CELF4: variants seen among roughly 807,000 people sequenced by gnomAD.
CELF4 encodes CUGBP Elav-like family member 4, also known as CUG-BP- and ETR-3-like factor 4.
Under a neutral mutation model 59.9 loss-of-function variants are expected in CELF4, and 18 were observed. The observed-to-expected ratio is 0.30, with a 90% CI of 0.21 to 0.45. The LOEUF (loss-of-function observed/expected upper bound fraction) is 0.45. Among genes scored for constraint, CELF4 ranks in the 20% least tolerant of loss-of-function variants. The probability of loss-of-function intolerance (pLI) is 1.00; values close to 1 mark genes in which losing one functional copy is unlikely to be tolerated. For synonymous variants in CELF4, 261 were observed against 267.1 expected (o/e 0.98, Z 0.22); for missense variants, 456 against 689.0 (o/e 0.66, Z 3.79).
intron 1 of CELF4, among the ~76,000 whole-genome samples, chr18:37,529,747 G>A (rs1182838425): frequency 2.0e-5 from 3 of 152,120 alleles, no homozygotes; most frequent in African/African-American, 7.2e-5. Context: ...ATTCCCAGGG[G>A]GTATCAGCAA....
intron 1 of CELF4, among the ~76,000 whole-genome samples, chr18:37,525,439 G>C (rs36018831): frequency 0.31 from 47,910 of 152,110 alleles, 9,045 homozygotes; most frequent in East Asian, 0.46. Flanking sequence ...GGGTTGTGGG[G>C]AGGGGAGTGG....
intron 3 of CELF4, among the ~76,000 whole-genome samples, chr18:37,318,367 G>A (rs2096943697): frequency 6.6e-6 from 1 of 151,324 alleles, no homozygotes; most frequent in South Asian, 2.1e-4. Flanking sequence ...CTGCCGTCAT[G>A]CCACCTCCTC....
chr18:37,305,666 G>A (rs1291879516), intron 3 of CELF4: 1 of 152,272 alleles, frequency 6.6e-6, no homozygotes, highest in African/African-American at 2.4e-5. Context: ...CCACCCACCA[G>A]CTGGTAACCC....
intron 3 of CELF4, among the ~76,000 whole-genome samples, chr18:37,292,566 T>C (rs1283402542): frequency 6.6e-6 from 1 of 152,170 alleles, no homozygotes. Flanking sequence ...GCAGGCCAGG[T>C]ACTTAGCACA....
At chr18:37,273,603 A>G in intron 6 of CELF4, 1 of 990,698 alleles carries the variant, frequency 1.0e-6, no homozygotes, top group Non-Finnish European at 1.2e-6. Flanking sequence ...AGAATTATGA[A>G]TAGAACCCCA....
At chr18:37,482,926 G>A (rs116030774) in intron 2 of CELF4, among the ~76,000 whole-genome samples, 1 of 152,284 alleles carries the variant, frequency 6.6e-6, no homozygotes, top group African/African-American at 2.4e-5. Context: ...CTGGAAAAGT[G>A]CCTAAATTGC....
chr18:37,401,661 C>T (rs1232765349), intron 2 of CELF4, among the ~76,000 whole-genome samples: 1 of 152,220 alleles, frequency 6.6e-6, no homozygotes, highest in East Asian at 1.9e-4. Flanking sequence ...AATGTTCTAC[C>T]ACTCCATGAC....
chr18:37,444,955 C>G (rs1046774070), intron 2 of CELF4, among the ~76,000 whole-genome samples: 12 of 152,138 alleles, frequency 7.9e-5, no homozygotes, highest in African/African-American at 2.9e-4. Flanking sequence ...CCTGGGCTTG[C>G]GGCCTGCAGA....
intron 2 of CELF4, among the ~76,000 whole-genome samples, chr18:37,322,135 A>G (rs1321734833): frequency 2.0e-5 from 3 of 152,092 alleles, no homozygotes; most frequent in Non-Finnish European, 4.4e-5. Context: ...TCCTCCTCCT[A>G]CTCCGAGCAG....
chr18:37,523,439 T>A (rs2099959917), intron 1 of CELF4, among the ~76,000 whole-genome samples: 1 of 152,114 alleles, frequency 6.6e-6, no homozygotes. Flanking sequence ...CATGTGTCCC[T>A]AACCCTGGGA....
At chr18:37,404,090 C>T (rs951876575) in intron 2 of CELF4, among the ~76,000 whole-genome samples, 1 of 152,202 alleles carries the variant, frequency 6.6e-6, no homozygotes, top group Non-Finnish European at 1.5e-5. Flanking sequence ...CCGGCCAGGC[C>T]TTCACATGCC....
intron 1 of CELF4, among the ~76,000 whole-genome samples, chr18:37,510,862 G>C (rs1397123807): frequency 2.0e-5 from 3 of 152,190 alleles, no homozygotes; most frequent in Non-Finnish European, 2.9e-5. Context: ...TGCTGACCCA[G>C]GGGCTGTGCC....
rs1163388961 is a variant in CELF4, at chr18:37,466,113, G to A, written c.369+19412C>T. On this transcript the variant is annotated intron_variant, in intron 2 of 12. Coordinates refer to ENST00000420428, the MANE Select transcript of CELF4 (RefSeq NM_020180.4). ...CTCCACAAGGGGCCAGCTAAGTCGC[G>A]CCTGCTCTTTCTGTCTGCTCTTGAT... Among the ~76,000 whole-genome samples, 6 of 152,304 alleles carry A rather than the reference G, an allele frequency of 3.9e-5. No individual in the cohort carries two copies. In the East Asian group the frequency reaches 5.8e-4, roughly 15 times the overall value.
At chr18:37,359,696 G>A (rs1418207357) in intron 2 of CELF4, among the ~76,000 whole-genome samples, 3 of 152,052 alleles carry the variant, frequency 2.0e-5, no homozygotes, top group African/African-American at 4.8e-5. Context: ...CTACAGGCAC[G>A]TGCCAACATG....
chr18:37,323,680 A>G (rs2097201521), intron 2 of CELF4, among the ~76,000 whole-genome samples: 2 of 152,118 alleles, frequency 1.3e-5, no homozygotes, highest in Non-Finnish European at 2.9e-5. Context: ...TTCTCCCCCA[A>G]ACAGGTCTTA....
chr18:37,407,850 A>G (rs1318230820), intron 2 of CELF4, among the ~76,000 whole-genome samples: 1 of 152,178 alleles, frequency 6.6e-6, no homozygotes, highest in Non-Finnish European at 1.5e-5. Context: ...AGGAGATTAA[A>G]TAATGAATGA....
At chr18:37,491,568 G>T (rs1200248105) in intron 1 of CELF4, among the ~76,000 whole-genome samples, 2 of 152,040 alleles carry the variant, frequency 1.3e-5, no homozygotes, top group Admixed American at 1.3e-4. Context: ...GACCAAGAGG[G>T]ACTATGGGGG....
intron 3 of CELF4, among the ~76,000 whole-genome samples, chr18:37,318,393 C>T (rs563929526): frequency 6.6e-6 from 1 of 151,970 alleles, no homozygotes; most frequent in Non-Finnish European, 1.5e-5. Context: ...CTCTCCCATT[C>T]CTTCTCTCCA....
intron 2 of CELF4, among the ~76,000 whole-genome samples, chr18:37,451,312 C>T (rs564363281): frequency 2.0e-5 from 3 of 151,848 alleles, no homozygotes; most frequent in South Asian, 2.1e-4. Flanking sequence ...TGAGTACGAA[C>T]GTAGTGTGTC....
Sources: allele counts gnomAD v4.1 joint callset (sites outside exome capture counted in the v4.1 genomes callset), GRCh38; gene constraint gnomAD v4.1.1; transcripts MANE v1.5; gene names NCBI Gene and HGNC (gene_info 2026-07-23, HGNC 2026-07-21).